RABGEF1: variants seen among roughly 807,000 people sequenced by gnomAD.
RABGEF1 encodes RAB guanine nucleotide exchange factor 1.
A neutral mutation model predicts 57.3 loss-of-function variants in RABGEF1; 26 were observed. The observed-to-expected ratio is 0.45, with a 90% CI of 0.33 to 0.63. The LOEUF (loss-of-function observed/expected upper bound fraction) is 0.63. RABGEF1 is among the 20% of genes least tolerant of loss of function. The pLI is 0.02. For missense variants in RABGEF1, 464 were observed against 607.6 expected (o/e 0.76, Z 2.48); for synonymous variants, 185 against 210.7 (o/e 0.88, Z 1.06).
At chr7:66,725,560 T>C (rs985063650) in intron 2 of RABGEF1, among the ~76,000 whole-genome samples, 1 of 152,234 alleles carries the variant, frequency 6.6e-6, no homozygotes, top group African/African-American at 2.4e-5. Context: ...AGTATGGCTA[T>C]AGTGAGTTTT....
the RABGEF1 span, among the ~76,000 whole-genome samples, chr7:66,662,318 T>G: frequency 6.6e-6 from 1 of 151,856 alleles, no homozygotes; most frequent in African/African-American, 2.4e-5. Flanking sequence ...AATACAAAAA[T>G]TAGCTGGGTG....
At chr7:66,701,819 C>A (rs934133208) in intron 1 of RABGEF1, among the ~76,000 whole-genome samples, 1 of 152,156 alleles carries the variant, frequency 6.6e-6, no homozygotes, top group African/African-American at 2.4e-5. Context: ...AGTTCTTTAT[C>A]AGATATATGG....
intron 1 of RABGEF1, among the ~76,000 whole-genome samples, chr7:66,685,638 G>T (rs983798251): frequency 6.6e-6 from 1 of 152,228 alleles, no homozygotes; most frequent in African/African-American, 2.4e-5. Flanking sequence ...GGGCACACAA[G>T]TGTTTAATGA....
chr7:66,719,500 A>C (rs1795770959), intron 2 of RABGEF1, among the ~76,000 whole-genome samples: 1 of 152,150 alleles, frequency 6.6e-6, no homozygotes, highest in South Asian at 2.1e-4. Flanking sequence ...GCCTGGCCAA[A>C]ATTTTTTTTA....
intron 2 of RABGEF1, among the ~76,000 whole-genome samples, chr7:66,725,155 C>T (rs972811982): frequency 5.3e-5 from 8 of 152,112 alleles, no homozygotes; most frequent in Non-Finnish European, 1.0e-4. Context: ...GTCATATTTT[C>T]CCACTTCCTT....
At chr7:66,718,660 A>G (rs1795670101) in intron 2 of RABGEF1, among the ~76,000 whole-genome samples, 1 of 152,158 alleles carries the variant, frequency 6.6e-6, no homozygotes, top group Non-Finnish European at 1.5e-5. Context: ...TTAGTTCCCA[A>G]ATACTTCGCA....
At chr7:66,671,019 TTATA>T in the RABGEF1 span, among the ~76,000 whole-genome samples, 4 of 142,020 alleles carry the variant, frequency 2.8e-5, no homozygotes, top group Non-Finnish European at 3.1e-5. Context: ...ATATCTATAT[TTATA>T]TATATATATA....
At chr7:66,788,900 AGCCAAGGTCGC>A (rs1811885048) in intron 4 of RABGEF1, among the ~76,000 whole-genome samples, 2 of 152,154 alleles carry the variant, frequency 1.3e-5, no homozygotes, top group African/African-American at 2.4e-5. Flanking sequence ...GGTTGCAGTT[AGCCAAGGTCGC>A]GCCATTGTAC....
At chr7:66,769,898 C>G (rs1439876905) in intron 1 of RABGEF1, among the ~76,000 whole-genome samples, 2 of 152,152 alleles carry the variant, frequency 1.3e-5, no homozygotes, top group Non-Finnish European at 1.5e-5. Flanking sequence ...TGCTTCTGAG[C>G]TTTTTGTGAA....
the RABGEF1 span, among the ~76,000 whole-genome samples, chr7:66,659,211 G>C: frequency 1.3e-5 from 2 of 152,098 alleles, no homozygotes; most frequent in Non-Finnish European, 2.9e-5. Context: ...CCAGCACTTT[G>C]GGAGGCCAAG....
At chr7:66,742,162 T>C (rs903884159) in intron 1 of RABGEF1, among the ~76,000 whole-genome samples, 1 of 125,406 alleles carries the variant, frequency 8.0e-6, no homozygotes, top group South Asian at 2.8e-4. Flanking sequence ...AAAAAAAAAC[T>C]AAGAGTCTGT....
chr7:66,691,632 T>G (rs1791534495), intron 1 of RABGEF1, among the ~76,000 whole-genome samples: 2 of 152,180 alleles, frequency 1.3e-5, no homozygotes, highest in Non-Finnish European at 2.9e-5. Flanking sequence ...ACCCTCCTGT[T>G]TTTCAATTTC....
At chr7:66,699,652 A>G (rs1562709503) in intron 1 of RABGEF1, among the ~76,000 whole-genome samples, 2 of 151,848 alleles carry the variant, frequency 1.3e-5, no homozygotes, top group East Asian at 2.0e-4. Context: ...GGATCGTGCC[A>G]CTGCACTCCA....
At chr7:66,752,248 C>T (rs1801609833) in intron 1 of RABGEF1, among the ~76,000 whole-genome samples, 2 of 151,956 alleles carry the variant, frequency 1.3e-5, no homozygotes, top group African/African-American at 4.8e-5. Flanking sequence ...AATCTCAGCG[C>T]TTTGGGAGTC....
rs936368668 is a variant in RABGEF1, at chr7:66,810,066, G to C, written c.*782G>C. 1.3e-5 allele frequency: 2 copies of C among 152,166 alleles called. No homozygotes were observed. Among genetic ancestry groups the C allele is most frequent in the African/African-American group, 4.8e-5 (2 of 41,436 alleles). 9.4% of individuals were successfully genotyped at this position (152,166 alleles called of 1,614,324 possible). A position where few individuals can be genotyped will look rare whatever the true frequency, so the allele number is the denominator to read the frequency against. ...AGCTTATTTTTCCCTCATTCATTCA[G>C]CAAATCTCTATTGAGTTCTTCAGTG... On this transcript the variant is annotated 3_prime_UTR_variant, in exon 9 of 9. Transcript: ENST00000284957.
chr7:66,806,640 C>CTTTTT (rs71997947), intron 8 of RABGEF1, among the ~76,000 whole-genome samples: 6 of 114,616 alleles, frequency 5.2e-5, no homozygotes, highest in Non-Finnish European at 1.0e-4. Context: ...CTCATATATC[C>CTTTTT]TTTTTTTTTT....
chr7:66,667,963 G>T, the RABGEF1 span, among the ~76,000 whole-genome samples: 2 of 151,940 alleles, frequency 1.3e-5, no homozygotes, highest in Admixed American at 1.3e-4. Context: ...ACGCCTGGCT[G>T]ATTTTTGTAT....
At chr7:66,654,690 G>T in the RABGEF1 span, 1 of 152,600 alleles carries the variant, frequency 6.6e-6, no homozygotes, top group South Asian at 2.0e-4. Flanking sequence ...GGGGCGGCCG[G>T]GCGTCTCGGG....
chr7:66,778,988 G>A (rs775763448), intron 3 of RABGEF1, among the ~76,000 whole-genome samples: 3 of 152,028 alleles, frequency 2.0e-5, no homozygotes, highest in Non-Finnish European at 4.4e-5. Flanking sequence ...GGAAGTGTGC[G>A]CCTGTAATCC....
Sources: gnomAD v4.1 joint callset for allele counts (sites outside exome capture counted in the v4.1 genomes callset) on GRCh38, gnomAD v4.1.1 for gene constraint, MANE v1.5 for transcripts, NCBI Gene and HGNC (gene_info 2026-07-23, HGNC 2026-07-21) for gene names.